Variants in HAUS6 observed in about 807,000 individuals in gnomAD.
HAUS6 encodes the protein HAUS augmin-like complex subunit 6.
A neutral mutation model predicts 106.8 loss-of-function variants in HAUS6; 80 were observed. The observed-to-expected ratio is 0.75, with a 90% confidence interval of 0.63 to 0.90. The LOEUF (loss-of-function observed/expected upper bound fraction) is 0.90. HAUS6 is among the 40% of genes least tolerant of loss of function. The probability of loss-of-function intolerance (pLI) is 0.00; values close to 1 mark genes in which losing one functional copy is unlikely to be tolerated. For missense variants in HAUS6, 1,155 were observed against 1,118.1 expected (o/e 1.03, Z -0.47); for synonymous variants, 356 against 379.1 (o/e 0.94, Z 0.71).
intron 5 of HAUS6, among the ~76,000 whole-genome samples, chr9:19,088,202 G>A (rs1308562217): frequency 6.6e-6 from 1 of 152,014 alleles, no homozygotes. Context: ...ATCACCTGAG[G>A]TCAGGAGTTC....
At chr9:19,090,166 CTTT>C (rs951126973) in intron 4 of HAUS6, among the ~76,000 whole-genome samples, 1 of 152,010 alleles carries the variant, frequency 6.6e-6, no homozygotes, top group South Asian at 2.1e-4. Flanking sequence ...GTAAGATGAC[CTTT>C]TTTTAAGGCA....
chr9:19,058,935 A>T lies in HAUS6; in HGVS notation c.1832T>A (p.Ile611Asn). 1 of 1,600,304 alleles carries T rather than the reference A, an allele frequency of 6.2e-7. No individual in the cohort carries two copies. The highest frequency in any genetic ancestry group is 8.6e-7 in the Non-Finnish European group (1 of 1,167,602). Residue 611 changes from isoleucine (I) to asparagine (N), a missense_variant, in exon 16 of 17, where the codon ATT becomes AAT. Physicochemically the swap from Ile to Asn is moderately radical, Grantham distance 149 (BLOSUM62 -3). Transcript: ENST00000380502. Reference protein sequence around the residue: ...EMEENRTKEPIQMDAEHREVL... With the variant: ...EMEENRTKEPNQMDAEHREVL... The stretch of plus-strand genomic sequence containing the variant: ...TTCTCTATGTTCAGCATCCATTTGA[A>T]TTGGTTCTTTAGTTCTGTTTTCTTC...
intron 7 of HAUS6, among the ~76,000 whole-genome samples, chr9:19,086,074 G>A (rs1363677387): frequency 6.6e-6 from 1 of 152,030 alleles, no homozygotes; most frequent in Non-Finnish European, 1.5e-5. Context: ...CACTTTGGGA[G>A]ACTGAGGCGG....
chr9:19,094,928 G>T (rs1285034208), intron 2 of HAUS6, among the ~76,000 whole-genome samples: 1 of 152,004 alleles, frequency 6.6e-6, no homozygotes, highest in African/African-American at 2.4e-5. Flanking sequence ...TAACTAAAAT[G>T]TATTAAATGA....
At chr9:19,078,845 TAAAA>T (rs34221496) in intron 9 of HAUS6, among the ~76,000 whole-genome samples, 16 of 134,834 alleles carry the variant, frequency 1.2e-4, no homozygotes, top group Non-Finnish European at 1.6e-4. Flanking sequence ...AAAATTAGTT[TAAAA>T]AAAAAAAAAA....
At position 19,093,206 on chromosome 9, in the gene HAUS6, A is replaced by G; in HGVS notation, c.401T>C (p.Phe134Ser). Residue 134 changes from phenylalanine to serine, a missense_variant, in exon 4 of 17, where the codon TTT (phenylalanine) becomes TCT (serine). Physicochemically the swap from Phe to Ser is radical, Grantham distance 155. Coordinates refer to ENST00000380502, the MANE Select transcript of HAUS6 (RefSeq NM_017645.5). ...FIHLMYHFAR[F>S]VAMKYIKSNS... ...GGATTTAATATATTTCATTGCAACA[A>G]ATCTTGCAAAATGATACATCAGATG... 6.2e-7 allele frequency: 1 copy of G among 1,600,634 alleles called. No individual in the cohort carries two copies. Among genetic ancestry groups the G allele is most frequent in the Middle Eastern group, 1.7e-4 (1 of 5,952 alleles).
Position 19,060,199 on chromosome 9 carries a change from A to T in HAUS6, c.1654T>A (p.Ser552Thr), listed in dbSNP as rs41269003. The change falls in exon 15 of 17, where the codon TCA becomes ACA. Residue 552 changes from serine (S) to threonine (T), a missense_variant. By Grantham distance (58) the Ser-to-Thr change is moderately conservative (BLOSUM62 1). Coordinates refer to ENST00000380502, the MANE Select transcript of HAUS6 (RefSeq NM_017645.5). ...EEVARAVLSD[S>T]PQLSEGKEIK... ...TCTTTTCCTTCAGAGAGCTGTGGTG[A>T]ATCAGATAAAACTGCTCTGGCAACC... 68,465 of 1,569,800 alleles carry T rather than the reference A, an allele frequency of 0.044. 1,636 individuals are homozygous for T. The highest frequency in any genetic ancestry group is 0.049 in the Non-Finnish European group (57,168 of 1,161,348).
intron 12 of HAUS6, among the ~76,000 whole-genome samples, chr9:19,067,320 A>G (rs10963935): frequency 0.4 from 60,313 of 152,084 alleles, 12,457 homozygotes; most frequent in Non-Finnish European, 0.45. Context: ...ATGTAACTAC[A>G]TATACCTTTA....
intron 5 of HAUS6, among the ~76,000 whole-genome samples, chr9:19,088,813 G>C (rs962793886): frequency 6.8e-6 from 1 of 147,214 alleles, no homozygotes; most frequent in Non-Finnish European, 1.5e-5. Flanking sequence ...AGAAGGTGGA[G>C]GTTGCAGTGA....
chr9:19,061,105 G>A (rs187867924), intron 14 of HAUS6, among the ~76,000 whole-genome samples: 231 of 152,260 alleles, frequency 1.5e-3, no homozygotes, highest in African/African-American at 5.2e-3. Context: ...CGGAGGCTGC[G>A]GTGAGCCAAG....
At position 19,070,318 on chromosome 9, in the gene HAUS6, T is replaced by C. The variant is rs1395949500; in HGVS notation, c.1295-18A>G. On this transcript the variant is annotated intron_variant, in intron 11 of 16. Transcript: ENST00000380502. ...ATGTGCATCTAAAGAAATTTAAAAA[T>C]TGGTTACTCTTTAATTATGTTTGTA... 2.3e-6 allele frequency: 3 copies of C among 1,296,962 alleles called. No homozygotes were observed. Among genetic ancestry groups the C allele is most frequent in the South Asian group, 1.2e-5 (1 of 82,658 alleles). 80.3% of individuals were successfully genotyped at this position (1,296,962 alleles called of 1,614,324 possible). A position where few individuals can be genotyped will look rare whatever the true frequency, so the allele number is the denominator to read the frequency against.
chr9:19,100,356 A>G (rs1588632618), intron 1 of HAUS6, among the ~76,000 whole-genome samples: 1 of 152,232 alleles, frequency 6.6e-6, no homozygotes, highest in East Asian at 1.9e-4. Flanking sequence ...ACAGAGCCAG[A>G]CTATCTCAAA....
chr9:19,063,180 C>T lies in HAUS6; in HGVS notation c.1457G>A (p.Gly486Glu). Reference sequence around the variant, plus strand: ...TGCTTCATTTTTTTCTTTGGGAGTTCCCATCTTTGTGTCCTGAAGAAGACA... The same window carrying T: ...TGCTTCATTTTTTTCTTTGGGAGTTTCCATCTTTGTGTCCTGAAGAAGACA... The part of the protein sequence containing the change: ...VTVLEKDTKM[G>E]TPKEKNEAIS... The change falls in exon 14 of 17, where the codon GGA becomes GAA. Residue 486 changes from glycine (G) to glutamate (E), a missense_variant. Physicochemically the swap from Gly to Glu is moderately conservative, Grantham distance 98. Around this residue, in one of 3 missense-constraint regions of HAUS6, gnomAD observed 761 missense variants for 690.0 expected, o/e 1.10. Transcript: ENST00000380502. 1.9e-6 allele frequency: 3 copies of T among 1,598,758 alleles called. No individual in the cohort carries two copies. Among genetic ancestry groups the T allele is most frequent in the Non-Finnish European group, 2.6e-6 (3 of 1,168,628 alleles).
intron 12 of HAUS6, 41 bp from the exon 13 acceptor site, chr9:19,063,621 A>C (rs1836683192): frequency 7.8e-7 from 1 of 1,288,500 alleles, no homozygotes; most frequent in Non-Finnish European, 1.1e-6. Flanking sequence ...TATAAGGAGA[A>C]AAGAATTCCA....
chr9:19,084,170 G>A (rs186642106), intron 7 of HAUS6, among the ~76,000 whole-genome samples: 7 of 151,602 alleles, frequency 4.6e-5, no homozygotes, highest in South Asian at 2.1e-4. Flanking sequence ...TCATAAAATA[G>A]AACACTAAGC....
intron 4 of HAUS6, among the ~76,000 whole-genome samples, chr9:19,092,192 T>G (rs10963958): frequency 6.6e-6 from 1 of 151,858 alleles, no homozygotes; most frequent in South Asian, 2.1e-4. Context: ...CACGGTGGCT[T>G]ATGCATGTAA....
chr9:19,094,287 T>G, intron 3 of HAUS6, 30 bp downstream of exon 3: 1 of 1,311,340 alleles, frequency 7.6e-7, no homozygotes, highest in Non-Finnish European at 1.1e-6. Context: ...CTTCTTAAAG[T>G]CTGTATCTTC....
At chr9:19,061,056 C>T (rs1836605483) in intron 14 of HAUS6, among the ~76,000 whole-genome samples, 1 of 152,126 alleles carries the variant, frequency 6.6e-6, no homozygotes, top group African/African-American at 2.4e-5. Context: ...TCCAGCTACT[C>T]GGTAGGCTGC....
chr9:19,071,237 A>G (rs73645573), intron 11 of HAUS6, among the ~76,000 whole-genome samples: 15,394 of 152,238 alleles, frequency 0.1, 871 homozygotes, highest in African/African-American at 0.14. Context: ...CAGATTAAAC[A>G]TAACTAAAAG....
Sources: gnomAD v4.1 joint callset for allele counts (sites outside exome capture counted in the v4.1 genomes callset) on GRCh38, gnomAD v4.1.1 for gene constraint, gnomAD v4.1.1 regional missense constraint, MANE v1.5 for transcripts, NCBI Gene and HGNC (gene_info 2026-07-23, HGNC 2026-07-21) for gene names.